Variants in EYS observed in about 807,000 individuals in gnomAD.
EYS encodes EGF-like photoreceptor maintenance factor.
Under a neutral mutation model 282.1 loss-of-function variants are expected in EYS, and 250 were observed. The ratio of observed to expected loss-of-function variants is 0.89; its 90% CI spans 0.80 to 0.98. The LOEUF is 0.98. Ranked by LOEUF, EYS falls within the 50% of genes least tolerant of loss-of-function variation. EYS has a pLI of 0.00. For synonymous variants in EYS, 1,355 were observed against 1,282.9 expected (o/e 1.06, Z -1.20); for missense variants, 4,016 against 3,709.0 (o/e 1.08, Z -2.15).
At chr6:64,923,477 AT>A (rs1768418959) in intron 15 of EYS, among the ~76,000 whole-genome samples, 1 of 152,100 alleles carries the variant, frequency 6.6e-6, no homozygotes, top group African/African-American at 2.4e-5. Flanking sequence ...GCCCTTCCAA[AT>A]CTCATGTCCT....
chr6:65,543,053 C>T (rs1338120230), intron 2 of EYS, among the ~76,000 whole-genome samples: 1 of 152,124 alleles, frequency 6.6e-6, no homozygotes, highest in Non-Finnish European at 1.5e-5. Flanking sequence ...GAGTTTCAGT[C>T]TTTCACCCAG....
chr6:64,877,959 G>A (rs146802355), intron 19 of EYS, among the ~76,000 whole-genome samples: 2,721 of 152,292 alleles, frequency 0.018, 52 homozygotes, highest in Middle Eastern at 0.061. Flanking sequence ...GAGGCTGGGT[G>A]CAGTGGCTCA....
chr6:65,147,399 G>A (rs940467863), intron 12 of EYS, among the ~76,000 whole-genome samples: 4 of 152,034 alleles, frequency 2.6e-5, no homozygotes, highest in African/African-American at 9.6e-5. Flanking sequence ...AGGGATATTA[G>A]AATTTTCGAT....
chr6:65,417,130 C>A (rs1041878349), intron 5 of EYS, among the ~76,000 whole-genome samples: 1 of 151,794 alleles, frequency 6.6e-6, no homozygotes, highest in Non-Finnish European at 1.5e-5. Flanking sequence ...CATTGTAAAG[C>A]TGTAGTAGTA....
chr6:65,314,609 T>TGTGTGTGTGTGTG (rs1769251924), intron 11 of EYS, among the ~76,000 whole-genome samples: 1 of 135,644 alleles, frequency 7.4e-6, no homozygotes, highest in Non-Finnish European at 1.6e-5. Context: ...TGTGTGTGTG[T>TGTGTGTGTGTGTG]TTTCCAGCTA....
At chr6:63,847,110 C>A (rs1010993336) in intron 36 of EYS, among the ~76,000 whole-genome samples, 2 of 151,994 alleles carry the variant, frequency 1.3e-5, no homozygotes, top group Non-Finnish European at 2.9e-5. Flanking sequence ...TTATAACTCC[C>A]TTTTGAAGTT....
intron 4 of EYS, among the ~76,000 whole-genome samples, chr6:65,492,619 A>G (rs530915727): frequency 5.5e-4 from 84 of 152,156 alleles, no homozygotes; most frequent in Non-Finnish European, 1.1e-3. Context: ...ATTCACTCCA[A>G]ATCAGCAGTT....
chr6:64,440,490 T>G (rs551075221), intron 26 of EYS, among the ~76,000 whole-genome samples: 67 of 152,194 alleles, frequency 4.4e-4, no homozygotes, highest in African/African-American at 1.6e-3. Flanking sequence ...TGTGTGTGTT[T>G]AATCAAGGAC....
chr6:64,603,270 C>G (rs1766819388), intron 24 of EYS, among the ~76,000 whole-genome samples: 1 of 151,992 alleles, frequency 6.6e-6, no homozygotes, highest in Non-Finnish European at 1.5e-5. Flanking sequence ...CTACTCCATC[C>G]TCCTTCTCTT....
intron 12 of EYS, among the ~76,000 whole-genome samples, chr6:65,179,724 G>T (rs2150232407): frequency 6.6e-6 from 1 of 152,158 alleles, no homozygotes; most frequent in African/African-American, 2.4e-5. Context: ...GTATCATCCT[G>T]ATACCAAAGC....
intron 28 of EYS, among the ~76,000 whole-genome samples, chr6:64,415,236 A>C (rs1255545511): frequency 6.6e-6 from 1 of 152,218 alleles, no homozygotes; most frequent in African/African-American, 2.4e-5. Context: ...TGAGAGCCAC[A>C]CAGGTGTTTT....
At chr6:63,806,433 G>A (rs1770911373) in intron 36 of EYS, 61 bp from the exon 37 acceptor site, 1 of 1,397,970 alleles carries the variant, frequency 7.2e-7, no homozygotes, top group Non-Finnish European at 9.5e-7. Context: ...GTAAAGTGAG[G>A]GTTACGTTTT....
intron 35 of EYS, among the ~76,000 whole-genome samples, chr6:63,880,437 A>G (rs1773097726): frequency 6.6e-6 from 1 of 151,808 alleles, no homozygotes; most frequent in African/African-American, 2.4e-5. Context: ...TTAAAACTTA[A>G]CAAACTTCCC....
At chr6:64,139,949 CAG>C (rs971862943) in intron 31 of EYS, among the ~76,000 whole-genome samples, 2 of 150,390 alleles carry the variant, frequency 1.3e-5, no homozygotes, top group Non-Finnish European at 2.9e-5. Flanking sequence ...GCCTGGGTGA[CAG>C]AGCAAGATTC....
intron 41 of EYS, among the ~76,000 whole-genome samples, chr6:63,758,275 T>C (rs375482445): frequency 3.9e-5 from 6 of 152,250 alleles, no homozygotes; most frequent in African/African-American, 1.4e-4. Context: ...CATTTATCAT[T>C]ATAGTTTGAA....
intron 28 of EYS, among the ~76,000 whole-genome samples, chr6:64,432,036 T>C (rs1254659717): frequency 6.6e-6 from 1 of 152,146 alleles, no homozygotes; most frequent in Non-Finnish European, 1.5e-5. Context: ...TGATTTATTG[T>C]ATCCAATGCA....
chr6:64,639,335 T>C (rs1768055322), intron 22 of EYS, among the ~76,000 whole-genome samples: 1 of 91,310 alleles, frequency 1.1e-5, no homozygotes, highest in Non-Finnish European at 2.4e-5. Flanking sequence ...AACATTTATG[T>C]TTTCAAGCAT....
intron 2 of EYS, among the ~76,000 whole-genome samples, chr6:65,569,335 G>A (rs980558885): frequency 1.3e-5 from 2 of 151,876 alleles, no homozygotes; most frequent in African/African-American, 2.4e-5. Flanking sequence ...GACTCAGCCC[G>A]CCTGCACCCA....
At chr6:65,662,235 C>T (rs1170910249) in intron 1 of EYS, among the ~76,000 whole-genome samples, 1 of 151,912 alleles carries the variant, frequency 6.6e-6, no homozygotes. Flanking sequence ...CAAAATTTAC[C>T]ACTTAATTTC....
Sources: gnomAD v4.1 joint callset for allele counts (sites outside exome capture counted in the v4.1 genomes callset) on GRCh38, gnomAD v4.1.1 for gene constraint, MANE v1.5 for transcripts, NCBI Gene and HGNC (gene_info 2026-07-23, HGNC 2026-07-21) for gene names.